The following ARHGEF7 variants were observed in gnomAD, a reference collection of about 807,000 sequenced individuals.
The protein encoded by ARHGEF7 is Rho guanine nucleotide exchange factor 7, also known as PAK-interacting exchange factor beta.
A neutral mutation model predicts 109.8 loss-of-function variants in ARHGEF7; 33 were observed. That is an observed-to-expected ratio of 0.30 (90% CI 0.23 to 0.40). The LOEUF is 0.40. ARHGEF7 is among the 10% of genes least tolerant of loss of function. The pLI is 1.00. For missense variants in ARHGEF7, 938 were observed against 1,098.5 expected (o/e 0.85, Z 2.07); for synonymous variants, 458 against 424.6 (o/e 1.08, Z -0.97).
rs1245453559 is a variant in ARHGEF7 at position 111,305,365 on chromosome 13, C to T, written c.*2252C>T. On this transcript the variant is annotated 3_prime_UTR_variant, in exon 22 of 22. Transcript: ENST00000646102. Reference sequence around the variant, plus strand: ...ACGTTTAAAGGGGCCACGATTTGCCCGAGGGTTACTCCTTTGCTCTCACCT... The same window carrying T: ...ACGTTTAAAGGGGCCACGATTTGCCTGAGGGTTACTCCTTTGCTCTCACCT... 4 of 152,224 alleles carry T rather than the reference C, an allele frequency of 2.6e-5. No individual in the cohort carries two copies. Among genetic ancestry groups the T allele is most frequent in the East Asian group, 1.9e-4 (1 of 5,200 alleles). 9.4% of individuals were successfully genotyped at this position (152,224 alleles called of 1,614,324 possible).
At chr13:111,175,591 G>T (rs972847466) in intron 2 of ARHGEF7, among the ~76,000 whole-genome samples, 1 of 152,214 alleles carries the variant, frequency 6.6e-6, no homozygotes, top group Admixed American at 6.5e-5. Context: ...GGCCCCAGGG[G>T]CGGGCCTCCT....
chr13:111,262,962 T>C lies in ARHGEF7; in HGVS notation c.951-4586T>C, dbSNP rs1185766832. On this transcript the variant is annotated intron_variant, in intron 8 of 21. Coordinates refer to ENST00000646102, the MANE Select transcript of ARHGEF7 (RefSeq NM_001354046.2). ...ACCATCCTGCTGCCCAAGGCCTTGA[T>C]GTAGCCCCTGTGGGGTGCCCTGTCT... Among the ~76,000 whole-genome samples the C allele has an allele frequency of 2.0e-5, 3 of 152,236 alleles. No individual in the cohort carries two copies. In the East Asian group the frequency reaches 5.8e-4, roughly 29 times the overall value.
At chr13:111,287,631 G>A (rs1012585556) in intron 17 of ARHGEF7, among the ~76,000 whole-genome samples, 1 of 152,270 alleles carries the variant, frequency 6.6e-6, no homozygotes, top group Non-Finnish European at 1.5e-5. Context: ...CGCCATTTGA[G>A]CAGCCTCCTG....
At chr13:111,257,534 A>C (rs2090575424) in intron 8 of ARHGEF7, among the ~76,000 whole-genome samples, 1 of 152,270 alleles carries the variant, frequency 6.6e-6, no homozygotes, top group African/African-American at 2.4e-5. Context: ...AAGATAGCCA[A>C]ATAGAAACCT....
At chr13:111,134,975 G>T in intron 1 of ARHGEF7, among the ~76,000 whole-genome samples, 1 of 152,208 alleles carries the variant, frequency 6.6e-6, no homozygotes, top group South Asian at 2.1e-4. Flanking sequence ...TTTGTGTAAG[G>T]TGTAAATTTT....
At chr13:111,186,883 A>G in intron 2 of ARHGEF7, 5 of 985,492 alleles carry the variant, frequency 5.1e-6, no homozygotes, top group Non-Finnish European at 6.0e-6. Context: ...AAGCAAAAAG[A>G]CGACTACTTC....
intron 2 of ARHGEF7, among the ~76,000 whole-genome samples, chr13:111,199,743 C>G (rs2080993160): frequency 6.6e-6 from 1 of 152,184 alleles, no homozygotes; most frequent in Admixed American, 6.5e-5. Flanking sequence ...GATTGTAGAG[C>G]CTTTGATGAC....
At chr13:111,174,666 C>G (rs756198232) in intron 2 of ARHGEF7, among the ~76,000 whole-genome samples, 1 of 152,190 alleles carries the variant, frequency 6.6e-6, no homozygotes, top group East Asian at 1.9e-4. Context: ...TCTGGAGGGC[C>G]ACTTTGCTCC....
At chr13:111,211,009 C>T (rs894641430) in intron 4 of ARHGEF7, among the ~76,000 whole-genome samples, 4 of 152,110 alleles carry the variant, frequency 2.6e-5, no homozygotes, top group Non-Finnish European at 5.9e-5. Context: ...GAAAGATATG[C>T]GAGGAATGTG....
intron 1 of ARHGEF7, chr13:111,153,588 A>G: frequency 3.6e-6 from 4 of 1,106,788 alleles, no homozygotes; most frequent in Non-Finnish European, 4.4e-6. Context: ...GGGGGCGAAC[A>G]CCCGACGCTA....
In ARHGEF7 at chr13:111,275,644, T is replaced by C; in HGVS notation, c.1385T>C (p.Met462Thr). Residue 462 changes from methionine to threonine, a missense_variant, in exon 12 of 22, where the codon ATG becomes ACG. Physicochemically the swap from Met to Thr is moderately conservative, Grantham distance 81. Transcript: ENST00000646102. ...DIKTLGNVTY[M>T]SQVLIQCAGS... is the part of the protein sequence containing the mutation. Reference sequence around the variant, plus strand: ...AAAACTCTGGGCAACGTCACTTACATGTCCCAGGTCCTGATTCAGTGTGCC... The same window carrying C: ...AAAACTCTGGGCAACGTCACTTACACGTCCCAGGTCCTGATTCAGTGTGCC... 6.2e-7 allele frequency: 1 copy of C among 1,614,170 alleles called. No homozygotes were observed. Among genetic ancestry groups the C allele is most frequent in the Middle Eastern group, 1.6e-4 (1 of 6,062 alleles).
chr13:111,158,224 T>G (rs2076488933), intron 2 of ARHGEF7, among the ~76,000 whole-genome samples: 2 of 152,250 alleles, frequency 1.3e-5, no homozygotes, highest in Non-Finnish European at 2.9e-5. Context: ...TTGATATTAA[T>G]GAGGCTTTTT....
At chr13:111,299,287 T>G (rs1290084687) in intron 19 of ARHGEF7, among the ~76,000 whole-genome samples, 1 of 152,132 alleles carries the variant, frequency 6.6e-6, no homozygotes, top group Non-Finnish European at 1.5e-5. Context: ...CTTAACCTTG[T>G]TCTGCTCAGG....
At chr13:111,146,198 G>A (rs1595010448) in intron 1 of ARHGEF7, among the ~76,000 whole-genome samples, 2 of 152,150 alleles carry the variant, frequency 1.3e-5, no homozygotes, top group Admixed American at 1.3e-4. Context: ...TTGGGAGTCT[G>A]CATTATTCTC....
In ARHGEF7 at chr13:111,217,831, C is replaced by T; in HGVS notation, c.621C>T (p.Gly207=). Residue 207 remains glycine (G), a synonymous_variant, in exon 5 of 22, where the codon GGC becomes GGT. Coordinates refer to ENST00000646102, the MANE Select transcript of ARHGEF7 (RefSeq NM_001354046.2). ...EGGWWEGTLN[G]RTGWFPSNYV... ...GCTGGTGGGAGGGCACACTCAACGG[C>T]CGGACCGGCTGGTTCCCCAGCAACT... 1 of 1,614,026 alleles carries T rather than the reference C, an allele frequency of 6.2e-7. No individual in the cohort carries two copies. Among genetic ancestry groups the T allele is most frequent in the Non-Finnish European group, 8.5e-7 (1 of 1,179,876 alleles).
intron 2 of ARHGEF7, among the ~76,000 whole-genome samples, chr13:111,170,849 G>A (rs1035904296): frequency 2.0e-5 from 3 of 152,140 alleles, no homozygotes; most frequent in African/African-American, 7.2e-5. Context: ...AGTTTGATTT[G>A]GGAATTTAAT....
At chr13:111,119,880 G>A (rs976496499) in intron 1 of ARHGEF7, among the ~76,000 whole-genome samples, 1 of 152,160 alleles carries the variant, frequency 6.6e-6, no homozygotes, top group Admixed American at 6.5e-5. Context: ...AACGTGATGA[G>A]TGATCACATG....
intron 2 of ARHGEF7, among the ~76,000 whole-genome samples, chr13:111,172,960 G>A (rs190100367): frequency 8.7e-4 from 132 of 152,272 alleles, no homozygotes; most frequent in Middle Eastern, 3.4e-3. Context: ...AAACGCTCCT[G>A]GTCCCAAGCA....
chr13:111,156,867 A>G (rs2076378379), intron 2 of ARHGEF7, among the ~76,000 whole-genome samples: 2 of 152,378 alleles, frequency 1.3e-5, no homozygotes. Context: ...TTTGTTCTAT[A>G]GTTGTAAATG....
Sources: gnomAD v4.1 joint callset for allele counts (sites outside exome capture counted in the v4.1 genomes callset) on GRCh38, gnomAD v4.1.1 for gene constraint, MANE v1.5 for transcripts, NCBI Gene and HGNC (gene_info 2026-07-23, HGNC 2026-07-21) for gene names.